Variants in PCDH11X observed in about 807,000 individuals in gnomAD.
PCDH11X encodes protocadherin-11 X-linked.
A neutral mutation model predicts 53.3 loss-of-function variants in PCDH11X; 18 were observed. The ratio of observed to expected loss-of-function variants is 0.34; its 90% CI spans 0.23 to 0.50. PCDH11X has a LOEUF of 0.50. PCDH11X is among the 20% of genes least tolerant of loss of function. The pLI is 0.98. For synonymous variants in PCDH11X, 279 were observed against 393.3 expected (o/e 0.71, Z 3.44); for missense variants, 570 against 1,032.4 (o/e 0.55, Z 6.14).
At chrX:92,461,485 TG>T (rs1390277134) in intron 9 of PCDH11X, among the ~76,000 whole-genome samples, 1 of 111,830 alleles carries the variant, frequency 8.9e-6, no homozygotes, top group Non-Finnish European at 1.9e-5. Flanking sequence ...TAAATGGTTC[TG>T]GGAAAACTGG....
chrX:92,248,552 C>T (rs1235899236), intron 7 of PCDH11X, among the ~76,000 whole-genome samples: 2 of 111,281 alleles, frequency 1.8e-5, no homozygotes, highest in African/African-American at 6.5e-5. Context: ...TATCCATCAC[C>T]TCAAGCAGTT....
chrX:92,527,359 T>TA (rs2074473631), intron 10 of PCDH11X, among the ~76,000 whole-genome samples: 1 of 111,073 alleles, frequency 9.0e-6, no homozygotes, highest in African/African-American at 3.3e-5. Flanking sequence ...TGCATGCCTG[T>TA]ATCAAAACAT....
At chrX:92,484,131 ATATATGTAT>A (rs773311700) in intron 10 of PCDH11X, among the ~76,000 whole-genome samples, 12,289 of 57,466 alleles carry the variant, frequency 0.21, 936 homozygotes, top group East Asian at 0.58. Flanking sequence ...ATATATATGT[ATATATGTAT>A]GTATATATAT....
chrX:92,224,139 G>A (rs188022930), intron 7 of PCDH11X, among the ~76,000 whole-genome samples: 306 of 111,955 alleles, frequency 2.7e-3, no homozygotes, highest in Non-Finnish European at 4.4e-3. Context: ...CCCATTGACA[G>A]TAGGTGATTC....
intron 6 of PCDH11X, among the ~76,000 whole-genome samples, chrX:92,011,046 C>A (rs775195412): frequency 7.2e-5 from 8 of 110,705 alleles, no homozygotes; most frequent in Non-Finnish European, 1.3e-4. Context: ...TTACTGCAAG[C>A]GGAATGATTT....
intron 10 of PCDH11X, among the ~76,000 whole-genome samples, chrX:92,478,302 T>C (rs1266802865): frequency 9.0e-6 from 1 of 111,460 alleles, no homozygotes; most frequent in Non-Finnish European, 1.9e-5. Context: ...TCTATTTCAC[T>C]AATTTAAAAA....
intron 8 of PCDH11X, among the ~76,000 whole-genome samples, chrX:92,329,701 A>T (rs1214316633): frequency 9.0e-6 from 1 of 111,422 alleles, no homozygotes; most frequent in Non-Finnish European, 1.9e-5. Flanking sequence ...GGAGGTTATT[A>T]TGTTAAGTGA....
intron 1 of PCDH11X, among the ~76,000 whole-genome samples, chrX:91,785,418 C>T (rs1378885180): frequency 9.1e-6 from 1 of 109,901 alleles, no homozygotes; most frequent in Non-Finnish European, 1.9e-5. Flanking sequence ...TAACTGCACT[C>T]TTAGAAAATT....
intron 6 of PCDH11X, among the ~76,000 whole-genome samples, chrX:92,049,741 T>C: frequency 9.0e-6 from 1 of 111,607 alleles, no homozygotes; most frequent in Non-Finnish European, 1.9e-5. Flanking sequence ...ATTAAGTTTT[T>C]CTTAGCACCA....
chrX:92,445,313 A>G (rs1403003716), intron 9 of PCDH11X, among the ~76,000 whole-genome samples: 1 of 100,178 alleles, frequency 1.0e-5, no homozygotes, highest in East Asian at 3.3e-4. Context: ...GGAAGATTGT[A>G]TGTTTCCAGG....
intron 6 of PCDH11X, among the ~76,000 whole-genome samples, chrX:92,147,984 C>CTTCTTTCTTTCTTTCTTTCTTT (rs2065322747): frequency 1.4e-5 from 1 of 72,103 alleles, no homozygotes; most frequent in African/African-American, 7.9e-5. Context: ...TTCCTTCCTT[C>CTTCTTTCTTTCTTTCTTTCTTT]CTTTCTTTCT....
chrX:92,285,058 T>C (rs757410727), intron 8 of PCDH11X, among the ~76,000 whole-genome samples: 2 of 110,592 alleles, frequency 1.8e-5, no homozygotes, highest in South Asian at 7.8e-4. Context: ...TATACTGATA[T>C]TGCAATGAAG....
At chrX:91,966,990 C>G (rs1339043439) in intron 6 of PCDH11X, among the ~76,000 whole-genome samples, 2 of 82,156 alleles carry the variant, frequency 2.4e-5, no homozygotes, top group Middle Eastern at 0.013. Context: ...CCACCCCCCA[C>G]CCCCCGACTG....
intron 8 of PCDH11X, among the ~76,000 whole-genome samples, chrX:92,330,298 C>A (rs2069434691): frequency 1.8e-5 from 2 of 111,112 alleles, no homozygotes; most frequent in South Asian, 7.6e-4. Flanking sequence ...GAACTGTGAA[C>A]AGTCATTTCA....
chrX:92,566,007 A>T (rs1415602958), intron 10 of PCDH11X, among the ~76,000 whole-genome samples: 1 of 110,637 alleles, frequency 9.0e-6, no homozygotes, highest in Non-Finnish European at 1.9e-5. Context: ...TATACTATAA[A>T]TTTTTTGAAA....
intron 6 of PCDH11X, among the ~76,000 whole-genome samples, chrX:92,166,756 G>T (rs1291176487): frequency 9.1e-6 from 1 of 110,058 alleles, no homozygotes; most frequent in Non-Finnish European, 1.9e-5. Flanking sequence ...AAATTAGCTG[G>T]GCATAGTGGC....
chrX:92,471,675 A>G (rs1408970550), intron 10 of PCDH11X, among the ~76,000 whole-genome samples: 1 of 107,783 alleles, frequency 9.3e-6, no homozygotes, highest in Non-Finnish European at 1.9e-5. Context: ...TAGGTCTTTG[A>G]GTAATTGCCA....
rs1465357766 is a variant in PCDH11X, at chrX:91,795,005, T to C, written c.-378-14461T>C. ...TATATAAGATGTGACTGGCTCCTCC[T>C]TGCCATCTGCCATGATTGTGAGGCT... On this transcript the variant is annotated intron_variant, in intron 1 of 10. Coordinates refer to ENST00000682573, the MANE Select transcript of PCDH11X (RefSeq NM_032968.5). Among the ~76,000 whole-genome samples, 91 of 108,409 alleles carry C rather than the reference T, an allele frequency of 8.4e-4. 1 individual carries two copies. The highest frequency in any genetic ancestry group is 2.9e-3 in the African/African-American group (87 of 29,918). 94.1% of individuals were successfully genotyped at this position (108,409 alleles called of 115,157 possible). A position where few individuals can be genotyped will look rare whatever the true frequency, so the allele number is the denominator to read the frequency against.
chrX:92,049,744 T>C (rs1297843345), intron 6 of PCDH11X, among the ~76,000 whole-genome samples: 17 of 111,609 alleles, frequency 1.5e-4, no homozygotes, highest in African/African-American at 5.5e-4. Context: ...AAGTTTTTCT[T>C]AGCACCAATG....
Sources: gnomAD v4.1 joint callset for allele counts (sites outside exome capture counted in the v4.1 genomes callset) on GRCh38, gnomAD v4.1.1 for gene constraint, MANE v1.5 for transcripts, NCBI Gene and HGNC (gene_info 2026-07-23, HGNC 2026-07-21) for gene names.